The following EMG1 variants were observed in gnomAD, a reference collection of about 807,000 sequenced individuals.
EMG1 encodes ribosomal RNA small subunit methyltransferase NEP1.
A neutral mutation model predicts 26.9 loss-of-function variants in EMG1; 24 were observed. That is an observed-to-expected ratio of 0.89 (90% CI 0.65 to 1.26). The LOEUF (loss-of-function observed/expected upper bound fraction) is 1.26, where lower values mean the gene tolerates loss of function less well. Among genes scored for constraint, EMG1 ranks in the 50% most tolerant of loss-of-function variants. The pLI is 0.00. For missense variants in EMG1, 299 were observed against 307.6 expected (o/e 0.97, Z 0.21); for synonymous variants, 140 against 112.6 (o/e 1.24, Z -1.54).
chr12:6,982,718 G>A, downstream of EMG1: 1 of 1,614,048 alleles, frequency 6.2e-7, no homozygotes, highest in Non-Finnish European at 8.5e-7. Flanking sequence ...TGATGGTGCG[G>A]CCCATTAGTC....
At chr12:6,972,603 T>C (rs1555152444) in intron 1 of EMG1, among the ~76,000 whole-genome samples, 1 of 152,210 alleles carries the variant, frequency 6.6e-6, no homozygotes, top group Admixed American at 6.5e-5. Flanking sequence ...GCTACAGATG[T>C]AGTCCACTTC....
chr12:6,978,782 TC>T lies in EMG1; in HGVS notation c.*2974del. ...CTTTTCACACTTGTGGCTGGCTACT[TC>T]ATACCTGCCTGAGTCCTGCTGCCAG... On this transcript the variant is annotated 3_prime_UTR_variant, in exon 6 of 6. Transcript: ENST00000599672. 1 of 1,545,186 alleles carries T rather than the reference TC, an allele frequency of 6.5e-7. No homozygotes were observed. The highest frequency in any genetic ancestry group is 1.2e-5 in the South Asian group (1 of 80,344).
chr12:6,980,198 C>T (rs1192553638), downstream of EMG1, among the ~76,000 whole-genome samples: 2 of 152,040 alleles, frequency 1.3e-5, no homozygotes, highest in Non-Finnish European at 2.9e-5. Context: ...TAGGCATGTA[C>T]CACCTTGCCT....
downstream of EMG1, among the ~76,000 whole-genome samples, chr12:6,988,547 G>A (rs943511500): frequency 1.3e-5 from 2 of 152,252 alleles, no homozygotes; most frequent in Admixed American, 6.5e-5. Flanking sequence ...ATGCTTTTTT[G>A]TGGGAGCCAA....
At position 6,978,807 on chromosome 12, in the gene EMG1, A is replaced by G; in HGVS notation, c.*2998A>G. The G allele has an allele frequency of 6.9e-7, 1 of 1,450,722 alleles. No individual in the cohort carries two copies. The highest frequency in any genetic ancestry group is 2.5e-5 in the East Asian group (1 of 40,760). 89.9% of individuals were successfully genotyped at this position (1,450,722 alleles called of 1,614,324 possible). Reference sequence around the variant, plus strand: ...TCATACCTGCCTGAGTCCTGCTGCCAGATGCCCTCAATAGTCTGGCCTGAT... The same window carrying G: ...TCATACCTGCCTGAGTCCTGCTGCCGGATGCCCTCAATAGTCTGGCCTGAT... On this transcript the variant is annotated 3_prime_UTR_variant, in exon 6 of 6. Coordinates refer to ENST00000599672, the MANE Select transcript of EMG1 (RefSeq NM_006331.8).
chr12:6,993,526 T>G (rs782115501), intron 7 of EMG1, among the ~76,000 whole-genome samples: 1 of 152,204 alleles, frequency 6.6e-6, no homozygotes, highest in South Asian at 2.1e-4. Flanking sequence ...CCATACATGT[T>G]GGCAGTCATT....
chr12:6,992,943 A>C (rs1946602886), downstream of EMG1, among the ~76,000 whole-genome samples: 1 of 152,174 alleles, frequency 6.6e-6, no homozygotes, highest in Non-Finnish European at 1.5e-5. Context: ...ATGTAAATGC[A>C]ATGCAAATAG....
intron 7 of EMG1, among the ~76,000 whole-genome samples, chr12:6,996,362 C>G (rs1266127132): frequency 6.6e-6 from 1 of 152,096 alleles, no homozygotes; most frequent in Non-Finnish European, 1.5e-5. Context: ...ACAACACTAC[C>G]CCTCCCCACC....
In EMG1 at chr12:6,977,781, G is replaced by A; in HGVS notation, c.*1972G>A. 2 of 1,612,498 alleles carry A rather than the reference G, an allele frequency of 1.2e-6. No individual in the cohort carries two copies. The highest frequency in any genetic ancestry group is 1.7e-6 in the Non-Finnish European group (2 of 1,179,372). On this transcript the variant is annotated 3_prime_UTR_variant, in exon 6 of 6. Coordinates refer to ENST00000599672, the MANE Select transcript of EMG1 (RefSeq NM_006331.8). The surrounding 1 kb of genome is among the most constrained non-coding windows in gnomAD (Gnocchi z 4.5). The stretch of plus-strand genomic sequence containing the variant: ...GGGTGGGTGGGGCGACCCTCAAACT[G>A]ACTGGTCCTTGCATCCCGCCACCTG...
downstream of EMG1, chr12:6,981,529 T>C (rs1946470906): frequency 6.5e-6 from 10 of 1,540,818 alleles, no homozygotes; most frequent in East Asian, 2.2e-5. Context: ...TTCAGTCTTT[T>C]GTTAACAACT....
downstream of EMG1, among the ~76,000 whole-genome samples, chr12:6,984,807 C>T (rs1946504762): frequency 6.6e-6 from 1 of 152,160 alleles, no homozygotes; most frequent in African/African-American, 2.4e-5. Context: ...CTGGCCTTGA[C>T]CTCCTGGGCT....
rs1555153418 is a variant in EMG1, at chr12:6,977,491, C to T, written c.*1682C>T. On this transcript the variant is annotated 3_prime_UTR_variant, in exon 6 of 6. Transcript: ENST00000599672. The surrounding 1 kb of genome is among the most constrained non-coding windows in gnomAD (Gnocchi z 4.5). ...GAGGACAGTAATGGCGGCCAGCTTG[C>T]TCAGGGTGGGGCTCTCTTGAATGAG... 2 of 1,614,202 alleles carry T rather than the reference C, an allele frequency of 1.2e-6. No individual in the cohort carries two copies. The highest frequency in any genetic ancestry group is 2.2e-5 in the South Asian group (2 of 91,086).
intron 7 of EMG1, among the ~76,000 whole-genome samples, chr12:6,993,285 T>C (rs782350394): frequency 6.6e-6 from 1 of 151,848 alleles, no homozygotes; most frequent in South Asian, 2.1e-4. Context: ...TAACAAAAAA[T>C]TAGCTGGGCG....
rs1946443471 is a variant in EMG1 at position 6,979,201 on chromosome 12, A to G, written c.*3392A>G. The G allele has an allele frequency of 2.0e-6, 1 of 500,792 alleles. No homozygotes were observed. The highest frequency in any genetic ancestry group is 3.6e-6 in the Non-Finnish European group (1 of 280,022). 31.0% of individuals were successfully genotyped at this position (500,792 alleles called of 1,614,324 possible). A position where few individuals can be genotyped will look rare whatever the true frequency, so the allele number is the denominator to read the frequency against. The stretch of plus-strand genomic sequence containing the variant: ...TGCTGTGCTCTGAGGGGTCACGTGG[A>G]TGTGATAAGGCAAGCTAGGAGCGGC... On this transcript the variant is annotated 3_prime_UTR_variant, in exon 6 of 6. Coordinates refer to ENST00000599672, the MANE Select transcript of EMG1 (RefSeq NM_006331.8).
chr12:6,979,462 G>T lies in EMG1; in HGVS notation c.*3653G>T. On this transcript the variant is annotated 3_prime_UTR_variant, in exon 6 of 6. Coordinates refer to ENST00000599672, the MANE Select transcript of EMG1 (RefSeq NM_006331.8). ...CAGTCATGCTGCTGCTGCTTTAGTA[G>T]ACACTCACGTCATAGTCTTCAGTGA... 6.3e-7 allele frequency: 1 copy of T among 1,586,074 alleles called. No individual in the cohort carries two copies. Among genetic ancestry groups the T allele is most frequent in the South Asian group, 1.1e-5 (1 of 90,504 alleles).
At chr12:6,989,141 T>G (rs797038768), downstream of EMG1, among the ~76,000 whole-genome samples, 34 of 151,938 alleles carry the variant, frequency 2.2e-4, no homozygotes, top group African/African-American at 7.2e-4. Context: ...AAAAAGAACT[T>G]GTTTGGCAGC....
chr12:6,992,449 G>A (rs1028498264), downstream of EMG1, among the ~76,000 whole-genome samples: 5 of 152,182 alleles, frequency 3.3e-5, no homozygotes, highest in Admixed American at 1.3e-4. Context: ...TGGTGTCACC[G>A]TCCTGATTTG....
chr12:6,979,506 T>C lies in EMG1; in HGVS notation c.*3697T>C, dbSNP rs1555153787. On this transcript the variant is annotated 3_prime_UTR_variant, in exon 6 of 6. Coordinates refer to ENST00000599672, the MANE Select transcript of EMG1 (RefSeq NM_006331.8). The stretch of plus-strand genomic sequence containing the variant: ...TCAGTGAGGAGATAGTCTTCTGTGA[T>C]GTGGGGGCTGAGCAGTGTGTAGCCC... 6.2e-7 allele frequency: 1 copy of C among 1,614,014 alleles called. No individual in the cohort carries two copies. The highest frequency in any genetic ancestry group is 1.7e-5 in the Admixed American group (1 of 60,018).
At position 6,978,452 on chromosome 12, in the gene EMG1, T is replaced by G; in HGVS notation, c.*2643T>G. On this transcript the variant is annotated 3_prime_UTR_variant, in exon 6 of 6. Transcript: ENST00000599672. ...GTTGGCACAGGCATCCCACTTTGCC[T>G]TGCCCTTTTCTTCAAAGCCATTGAA... 1 of 1,614,160 alleles carries G rather than the reference T, an allele frequency of 6.2e-7. No individual in the cohort carries two copies. The highest frequency in any genetic ancestry group is 8.5e-7 in the Non-Finnish European group (1 of 1,179,992).
Sources: gnomAD v4.1 joint callset for allele counts (sites outside exome capture counted in the v4.1 genomes callset) on GRCh38, gnomAD v4.1.1 for gene constraint, Gnocchi (gnomAD v3.1) non-coding constraint, MANE v1.5 for transcripts, NCBI Gene and HGNC (gene_info 2026-07-23, HGNC 2026-07-21) for gene names.